Variants in MYH3 observed in about 807,000 individuals in gnomAD.
MYH3 encodes the protein myosin-3.
Under a neutral mutation model 238.0 loss-of-function variants are expected in MYH3, and 130 were observed. The ratio of observed to expected loss-of-function variants is 0.55; its 90% CI spans 0.47 to 0.63. The LOEUF (loss-of-function observed/expected upper bound fraction) is 0.63, where lower values mean the gene tolerates loss of function less well. Ranked by LOEUF, MYH3 falls within the 30% of genes least tolerant of loss-of-function variation. MYH3 has a pLI of 0.00. For synonymous variants in MYH3, 880 were observed against 924.1 expected, an observed-to-expected ratio of 0.95 and a Z score of 0.86; for missense variants, 1,853 against 2,374.9, an observed-to-expected ratio of 0.78 and a Z score of 4.57.
At chr17:10,633,481 A>G in intron 33 of MYH3, 110 bp downstream of exon 33, 2 of 1,365,562 alleles carry the variant, frequency 1.5e-6, no homozygotes, top group Non-Finnish European at 2.1e-6. Context: ...AGGCATTAGG[A>G]CTGTGATTTG....
chr17:10,642,291 T>C lies in MYH3; in HGVS notation c.1908A>G (p.Lys636=). Residue 636 remains lysine, a synonymous_variant, in exon 17 of 41, where the codon AAA becomes AAG. Transcript: ENST00000583535. This position sits in a 1 kb window ranked among gnomAD's most constrained non-coding sequence, Gnocchi z 5.4. ...AGGAAGAACCCTTCTTCTTGGCAACTTTCTTCTTTCCACTGTCAGCTGAAA... is the reference window on the plus strand; with the variant it reads ...AGGAAGAACCCTTCTTCTTGGCAACCTTCTTCTTTCCACTGTCAGCTGAAA... The part of the protein sequence containing the change: ...ATADADSGKK[K]VAKKKGSSFQ... 6.2e-7 allele frequency: 1 copy of C among 1,614,174 alleles called. No individual in the cohort carries two copies. Among genetic ancestry groups the C allele is most frequent in the Admixed American group, 1.7e-5 (1 of 60,016 alleles).
chr17:10,637,798 A>T lies in MYH3; in HGVS notation c.3856+11T>A. 6.2e-7 allele frequency: 1 copy of T among 1,613,836 alleles called. No individual in the cohort carries two copies. On this transcript the variant is annotated intron_variant, in intron 28 of 40. Transcript: ENST00000583535. ...GGTTTTGGCCCCACGGGTTTTCTGC[A>T]CGTGGCTTACCAGCCTCGGTCTGCA...
chr17:10,636,421 A>T (rs1360949576), intron 28 of MYH3, among the ~76,000 whole-genome samples: 1 of 151,872 alleles, frequency 6.6e-6, no homozygotes, highest in Non-Finnish European at 1.5e-5. Context: ...CTCCCATCAG[A>T]CCTCCCCAGT....
At chr17:10,670,262 A>G in the MYH3 span, among the ~76,000 whole-genome samples, 1 of 152,196 alleles carries the variant, frequency 6.6e-6, no homozygotes, top group African/African-American at 2.4e-5. The surrounding 1 kb of genome is among the most constrained non-coding windows in gnomAD (Gnocchi z 7.0). Flanking sequence ...TACTACTTTT[A>G]CCCACAACCC....
At chr17:10,662,624 C>G in the MYH3 span, among the ~76,000 whole-genome samples, 1 of 152,140 alleles carries the variant, frequency 6.6e-6, no homozygotes, top group East Asian at 1.9e-4. Context: ...TTAGGCAGTT[C>G]GCATGTAAAT....
chr17:10,657,926 G>A (rs190434945), upstream of MYH3, among the ~76,000 whole-genome samples: 3 of 151,478 alleles, frequency 2.0e-5, no homozygotes, highest in East Asian at 3.9e-4. Flanking sequence ...CCTATGCAAC[G>A]TTCTGTCTCA....
intron 6 of MYH3, 48 bp from the exon 7 acceptor site, chr17:10,649,733 T>C (rs1475073023): frequency 3.2e-6 from 5 of 1,541,342 alleles, no homozygotes; most frequent in South Asian, 2.2e-5. Flanking sequence ...TCTGTTAGTA[T>C]AAACAGGCTT....
chr17:10,642,646 C>T lies in MYH3; in HGVS notation c.1659G>A (p.Leu553=). The T allele has an allele frequency of 1.2e-6, 2 of 1,614,244 alleles. No individual in the cohort carries two copies. The highest frequency in any genetic ancestry group is 1.6e-4 in the Middle Eastern group (1 of 6,062). ...KATDTSFKNK[L]YDQHLGKSNN... is the part of the protein sequence containing the mutation. ...TGGACTTTCCAAGATGCTGGTCATA[C>T]AGCTTGTTCTTGAAGGAGGTGTCTG... Residue 553 remains leucine, a synonymous_variant, in exon 16 of 41, where the codon CTG becomes CTA. Transcript: ENST00000583535. This position sits in a 1 kb window ranked among gnomAD's most constrained non-coding sequence, Gnocchi z 5.4.
intron 1 of MYH3, 119 bp from the exon 2 acceptor site, chr17:10,656,267 T>G (rs1272897512): frequency 6.6e-6 from 1 of 152,298 alleles, no homozygotes; most frequent in African/African-American, 2.4e-5. Context: ...GGCTCACGCC[T>G]GTAATCCCAG....
At chr17:10,628,724 C>A in intron 40 of MYH3, 45 bp from the exon 41 acceptor site, 1 of 1,604,380 alleles carries the variant, frequency 6.2e-7, no homozygotes. Flanking sequence ...GTGGCAGAGA[C>A]ACATTCCCAC....
intron 2 of MYH3, 36 bp from the exon 3 acceptor site, chr17:10,655,108 C>T (rs1246155209): frequency 1.9e-6 from 3 of 1,564,602 alleles, no homozygotes; most frequent in Admixed American, 3.3e-5. Flanking sequence ...CTCAGCAGCC[C>T]CCTTGCCAGG....
Position 10,635,569 on chromosome 17 carries a change from G to A in MYH3, c.3976-6C>T, listed in dbSNP as rs1315688483. ...TGCGCCAGGGCGTTCTTGGCCTGCA[G>A]AAGTTAAAAAGAGAAGAGCACCTGA... On this transcript the variant is annotated splice_polypyrimidine_tract_variant and splice_region_variant and intron_variant, in intron 29 of 40. Transcript: ENST00000583535. 6.2e-7 allele frequency: 1 copy of A among 1,614,264 alleles called. No homozygotes were observed. The highest frequency in any genetic ancestry group is 2.2e-5 in the East Asian group (1 of 44,888).
chr17:10,643,102 G>T (rs1164800088), intron 14 of MYH3, 106 bp from the exon 15 acceptor site: 1 of 1,583,240 alleles, frequency 6.3e-7, no homozygotes. Context: ...ACACATTAAT[G>T]CTTTCAAATA....
upstream of MYH3, among the ~76,000 whole-genome samples, chr17:10,661,643 G>A (rs951789512): frequency 5.9e-5 from 9 of 152,132 alleles, no homozygotes; most frequent in Non-Finnish European, 1.3e-4. Context: ...CACGATGCTC[G>A]GTCACTTCCT....
chr17:10,668,567 G>A, the MYH3 span, among the ~76,000 whole-genome samples: 2 of 152,224 alleles, frequency 1.3e-5, no homozygotes, highest in East Asian at 3.9e-4. Flanking sequence ...GAGACATTTG[G>A]GGGACAAATT....
Position 10,649,573 on chromosome 17 carries a change from A to G in MYH3, c.642+4T>C, listed in dbSNP as rs766265439. The G allele has an allele frequency of 1.2e-6, 2 of 1,607,100 alleles. No homozygotes were observed. Among genetic ancestry groups the G allele is most frequent in the Admixed American group, 1.7e-5 (1 of 60,022 alleles). ...CAAAGCAAGCCTTCCTCTCCCATCT[A>G]TACCTTCATTTTGGAGTCCTTCTTC... On this transcript the variant is annotated splice_donor_region_variant and intron_variant, in intron 7 of 40. Coordinates refer to ENST00000583535, the MANE Select transcript of MYH3 (RefSeq NM_002470.4).
chr17:10,674,413 C>T, the MYH3 span: 1,192 of 281,250 alleles, frequency 4.2e-3, 1 homozygote, highest in Non-Finnish European at 5.8e-3. Context: ...GCAACAAGAG[C>T]GAAACTCCAT....
intron 4 of MYH3, chr17:10,652,211 G>C: frequency 3.0e-6 from 2 of 671,938 alleles, no homozygotes; most frequent in Non-Finnish European, 5.2e-6. Flanking sequence ...CCGCTCTCCG[G>C]CTCCTGGTCC....
chr17:10,666,781 G>T, the MYH3 span, among the ~76,000 whole-genome samples: 1 of 151,774 alleles, frequency 6.6e-6, no homozygotes, highest in Non-Finnish European at 1.5e-5. Context: ...AAAACTAAAA[G>T]ACGTGATAAA....
Sources: allele counts gnomAD v4.1 joint callset (sites outside exome capture counted in the v4.1 genomes callset), GRCh38; gene constraint gnomAD v4.1.1; non-coding constraint Gnocchi (gnomAD v3.1); transcripts MANE v1.5; gene names NCBI Gene and HGNC (gene_info 2026-07-23, HGNC 2026-07-21).